UTS2B: variants seen among roughly 807,000 people sequenced by gnomAD.
UTS2B encodes the protein urotensin-2B.
A neutral mutation model predicts 19.2 loss-of-function variants in UTS2B; 21 were observed. That is an observed-to-expected ratio of 1.09 (90% confidence interval 0.78 to 1.58). The LOEUF (loss-of-function observed/expected upper bound fraction) is 1.58. Among genes scored for constraint, UTS2B ranks in the 40% most tolerant of loss-of-function variants. The pLI is 0.00. For missense variants in UTS2B, 138 were observed against 130.3 expected (o/e 1.06, Z -0.29); for synonymous variants, 57 against 50.2 (o/e 1.14, Z -0.58).
At chr3:191,273,969 G>A (rs989765319) in intron 8 of UTS2B, among the ~76,000 whole-genome samples, 2 of 152,094 alleles carry the variant, frequency 1.3e-5, no homozygotes, top group African/African-American at 4.8e-5. Flanking sequence ...GGGAGTGATG[G>A]TGCATGCCTG....
At position 191,316,967 on chromosome 3, in the gene UTS2B, C is replaced by T. The variant is rs537660309; in HGVS notation, c.-585-528G>A. On this transcript the variant is annotated intron_variant, in intron 2 of 8. Coordinates refer to ENST00000340524, the MANE Select transcript of UTS2B (RefSeq NM_198152.5). ...TGGCTTAGCCTAGCGGATCCCACGC[C>T]GGGGCTGCCGGCGGAGCCTCCCGTT... 6.0e-4 allele frequency among the ~76,000 whole-genome samples: 92 copies of T among 152,380 alleles called. No individual in the cohort carries two copies. In the East Asian group the frequency reaches 0.013, roughly 22 times the overall value.
chr3:191,321,497 A>G (rs1330517112), intron 2 of UTS2B, among the ~76,000 whole-genome samples: 1 of 152,238 alleles, frequency 6.6e-6, no homozygotes, highest in African/African-American at 2.4e-5. Context: ...GACAAGGTTT[A>G]TGCGCCAAAG....
chr3:191,293,268 T>C (rs1369280), intron 4 of UTS2B, among the ~76,000 whole-genome samples: 58,680 of 152,084 alleles, frequency 0.39, 11,840 homozygotes, highest in East Asian at 0.64. Context: ...CCTTGTAGAA[T>C]GAATTGAAAA....
intron 2 of UTS2B, among the ~76,000 whole-genome samples, chr3:191,316,743 C>T (rs1717464636): frequency 6.6e-6 from 1 of 152,148 alleles, no homozygotes; most frequent in Non-Finnish European, 1.5e-5. Context: ...AGACACAGAG[C>T]ACTGATCGGT....
At chr3:191,300,393 T>C (rs1716964803) in intron 4 of UTS2B, among the ~76,000 whole-genome samples, 1 of 152,162 alleles carries the variant, frequency 6.6e-6, no homozygotes, top group Non-Finnish European at 1.5e-5. Flanking sequence ...GGAATGGGAG[T>C]ATTTACCCAA....
intron 4 of UTS2B, 178 bp from the exon 5 acceptor site, chr3:191,282,491 T>G (rs1157747537): frequency 8.7e-6 from 2 of 228,668 alleles, no homozygotes; most frequent in Non-Finnish European, 8.5e-6. Context: ...TTCCTATGCA[T>G]GCCCACACAT....
At chr3:191,315,012 A>G (rs892976826) in intron 3 of UTS2B, among the ~76,000 whole-genome samples, 1 of 143,626 alleles carries the variant, frequency 7.0e-6, no homozygotes, top group African/African-American at 2.7e-5. Context: ...GCCACCCTAG[A>G]ATTTTTTTTT....
At chr3:191,346,135 A>C in the UTS2B span, among the ~76,000 whole-genome samples, 1 of 152,212 alleles carries the variant, frequency 6.6e-6, no homozygotes, top group Non-Finnish European at 1.5e-5. Flanking sequence ...TACTTTTGTT[A>C]ATTTTCAAAG....
At chr3:191,270,868 G>A (rs936373396) in intron 8 of UTS2B, among the ~76,000 whole-genome samples, 23 of 151,986 alleles carry the variant, frequency 1.5e-4, no homozygotes, top group African/African-American at 5.3e-4. Context: ...ATTTGTTTTA[G>A]GTGAGTTTCT....
intron 4 of UTS2B, among the ~76,000 whole-genome samples, chr3:191,298,827 A>G (rs544824946): frequency 1.6e-4 from 25 of 152,338 alleles, no homozygotes; most frequent in Admixed American, 1.6e-3. Flanking sequence ...AATCTTGATA[A>G]TGATATCGAC....
intron 4 of UTS2B, among the ~76,000 whole-genome samples, chr3:191,296,799 A>G (rs891396304): frequency 6.6e-6 from 1 of 152,206 alleles, no homozygotes; most frequent in Non-Finnish European, 1.5e-5. Flanking sequence ...CAAATCCAGA[A>G]TCTCATTGCC....
chr3:191,276,555 T>C (rs78692320), intron 7 of UTS2B, among the ~76,000 whole-genome samples: 2,463 of 152,298 alleles, frequency 0.016, 74 homozygotes, highest in African/African-American at 0.056. Flanking sequence ...AGTTTGGTAA[T>C]TGCAAAGCTA....
At chr3:191,309,143 G>A (rs1224845265) in intron 3 of UTS2B, among the ~76,000 whole-genome samples, 6 of 152,184 alleles carry the variant, frequency 3.9e-5, no homozygotes, top group African/African-American at 1.4e-4. Flanking sequence ...TCTCTTGTGG[G>A]CACAGGGACT....
In UTS2B at chr3:191,268,403, C is replaced by A. The variant is rs1311182562; in HGVS notation, c.*13G>T. 2 of 1,553,424 alleles carry A rather than the reference C, an allele frequency of 1.3e-6. No homozygotes were observed. Among genetic ancestry groups the A allele is most frequent in the Admixed American group, 1.8e-5 (1 of 56,530 alleles). ...TGATATTCTTATCTTTTTTTGCATCCAGAGAAAAAGCTTTAAACACAGTAT... is the reference window on the plus strand; with the variant it reads ...TGATATTCTTATCTTTTTTTGCATCAAGAGAAAAAGCTTTAAACACAGTAT... On this transcript the variant is annotated 3_prime_UTR_variant, in exon 9 of 9. Transcript: ENST00000340524.
At chr3:191,330,958 C>T (rs1717961732), upstream of UTS2B, among the ~76,000 whole-genome samples, 1 of 152,192 alleles carries the variant, frequency 6.6e-6, no homozygotes, top group African/African-American at 2.4e-5. Flanking sequence ...TACTTTTCTA[C>T]CTTTCCGTCC....
At chr3:191,314,426 C>A (rs982951192) in intron 3 of UTS2B, among the ~76,000 whole-genome samples, 1 of 152,022 alleles carries the variant, frequency 6.6e-6, no homozygotes, top group African/African-American at 2.4e-5. Flanking sequence ...GAAATAGGCC[C>A]CAAGTACAAA....
At chr3:191,293,678 G>A (rs771709393) in intron 4 of UTS2B, among the ~76,000 whole-genome samples, 1 of 151,956 alleles carries the variant, frequency 6.6e-6, no homozygotes, top group Non-Finnish European at 1.5e-5. Flanking sequence ...TCATCCAGAA[G>A]GGGCTTTGAT....
chr3:191,273,288 G>A lies in UTS2B; in HGVS notation c.334+1964C>T, dbSNP rs116593843. 6.4e-3 allele frequency: 2,226 copies of A among 345,988 alleles called. 46 individuals carry two copies. The highest frequency in any genetic ancestry group is 0.041 in the African/African-American group (1,914 of 46,834). The allele number at this position is 345,988 out of a possible 1,614,324, so 21.4% of individuals were successfully genotyped here. ...TTGGGGTTGTCTCTAATGAGAATGAGTTGAGTATAGTCTATGTTTTTAAGA... is the reference window on the plus strand; with the variant it reads ...TTGGGGTTGTCTCTAATGAGAATGAATTGAGTATAGTCTATGTTTTTAAGA... On this transcript the variant is annotated intron_variant, in intron 8 of 8. Transcript: ENST00000340524.
At chr3:191,338,108 A>C in the UTS2B span, among the ~76,000 whole-genome samples, 3 of 152,182 alleles carry the variant, frequency 2.0e-5, no homozygotes, top group East Asian at 5.8e-4. Flanking sequence ...TTTTAACTGC[A>C]TATAGTAAAA....
Sources: gnomAD v4.1 joint callset for allele counts (sites outside exome capture counted in the v4.1 genomes callset) on GRCh38, gnomAD v4.1.1 for gene constraint, MANE v1.5 for transcripts, NCBI Gene and HGNC (gene_info 2026-07-23, HGNC 2026-07-21) for gene names.